ACTR3C: variants seen among roughly 807,000 people sequenced by gnomAD.
ACTR3C encodes actin-related protein 3C.
In ACTR3C, 18 loss-of-function variants were observed where a neutral mutation model predicts 26.3. That is an observed-to-expected ratio of 0.68 (90% confidence interval 0.47 to 1.01). The LOEUF is 1.01. ACTR3C is among the 50% of genes least tolerant of loss of function. The probability of loss-of-function intolerance (pLI) is 0.00; values close to 1 mark genes in which losing one functional copy is unlikely to be tolerated. For missense variants in ACTR3C, 184 were observed against 250.7 expected (o/e 0.73, Z 1.80); for synonymous variants, 55 against 94.5 (o/e 0.58, Z 2.42).
At chr7:150,275,894 C>T (rs1480704125) in intron 6 of ACTR3C, among the ~76,000 whole-genome samples, 2 of 152,154 alleles carry the variant, frequency 1.3e-5, no homozygotes, top group African/African-American at 2.4e-5. Context: ...TCCCTTCAAC[C>T]CCGTCTCACG....
At chr7:150,116,906 T>C in the ACTR3C span, among the ~76,000 whole-genome samples, 1 of 151,338 alleles carries the variant, frequency 6.6e-6, no homozygotes. Context: ...TGGGACTGGT[T>C]AGACAGTGGG....
chr7:150,035,259 G>A, the ACTR3C span, among the ~76,000 whole-genome samples: 246 of 79,172 alleles, frequency 3.1e-3, 28 homozygotes, highest in South Asian at 0.045. Flanking sequence ...GGAACCAGGG[G>A]CTGGCTCTCA....
chr7:150,122,608 G>A, the ACTR3C span, among the ~76,000 whole-genome samples: 2 of 152,324 alleles, frequency 1.3e-5, no homozygotes, highest in Admixed American at 1.3e-4. Flanking sequence ...GAGAGGATGT[G>A]GAGAAATAAG....
chr7:150,186,951 T>C, the ACTR3C span, among the ~76,000 whole-genome samples: 2 of 152,292 alleles, frequency 1.3e-5, no homozygotes, highest in South Asian at 2.1e-4. Flanking sequence ...AAAAGGTCAG[T>C]AGAGAAGCCT....
At chr7:150,024,990 CCT>C in the ACTR3C span, among the ~76,000 whole-genome samples, 7 of 152,088 alleles carry the variant, frequency 4.6e-5, no homozygotes, top group Admixed American at 4.6e-4. Context: ...GAGGGCCACA[CCT>C]CTGGAAAGGA....
At chr7:149,890,228 C>T in the ACTR3C span, among the ~76,000 whole-genome samples, 721 of 151,764 alleles carry the variant, frequency 4.8e-3, 14 homozygotes, top group African/African-American at 0.016. Flanking sequence ...AGGTTTAATA[C>T]GCAGCTTACG....
At chr7:150,065,491 C>T in the ACTR3C span, among the ~76,000 whole-genome samples, 293 of 152,300 alleles carry the variant, frequency 1.9e-3, 4 homozygotes, top group Non-Finnish European at 2.5e-3. Context: ...GTAAGGATAC[C>T]TTGTCCATTG....
At chr7:150,318,165 A>G (rs1033751812) in intron 1 of ACTR3C, among the ~76,000 whole-genome samples, 7 of 152,212 alleles carry the variant, frequency 4.6e-5, no homozygotes, top group Non-Finnish European at 8.8e-5. Context: ...AGTCATTTGT[A>G]TCAGCCAGGA....
the ACTR3C span, among the ~76,000 whole-genome samples, chr7:150,039,340 CCCA>C: frequency 6.9e-6 from 1 of 145,864 alleles, no homozygotes; most frequent in Non-Finnish European, 1.5e-5. Flanking sequence ...GCTCTCAGTC[CCCA>C]CCCTCGTGGG....
chr7:150,178,024 A>T, the ACTR3C span, among the ~76,000 whole-genome samples: 1 of 150,706 alleles, frequency 6.6e-6, no homozygotes, highest in Non-Finnish European at 1.5e-5. Context: ...TGATTATGAG[A>T]CACAACAAAT....
At chr7:150,216,239 A>C in the ACTR3C span, among the ~76,000 whole-genome samples, 1 of 152,248 alleles carries the variant, frequency 6.6e-6, no homozygotes, top group African/African-American at 2.4e-5. Flanking sequence ...TTCAGGACCT[A>C]TATCCATGCT....
chr7:149,905,204 T>C, the ACTR3C span, among the ~76,000 whole-genome samples: 113 of 152,024 alleles, frequency 7.4e-4, no homozygotes, highest in Middle Eastern at 0.014. Flanking sequence ...TAATAGTGTT[T>C]AACACTGTGA....
the ACTR3C span, among the ~76,000 whole-genome samples, chr7:149,985,298 A>C: frequency 6.6e-6 from 1 of 150,850 alleles, no homozygotes; most frequent in East Asian, 1.9e-4. Context: ...ATCTGGCACT[A>C]CCCAGATAAG....
chr7:150,196,582 G>C, the ACTR3C span, among the ~76,000 whole-genome samples: 1 of 152,128 alleles, frequency 6.6e-6, no homozygotes, highest in Admixed American at 6.5e-5. Context: ...TCTTTTGATT[G>C]CTTTGTCTCT....
the ACTR3C span, among the ~76,000 whole-genome samples, chr7:150,038,013 C>A: frequency 1.2e-4 from 17 of 137,574 alleles, 3 homozygotes; most frequent in Non-Finnish European, 2.4e-4. Flanking sequence ...TTGCCTCCCC[C>A]CCTGCTATGG....
chr7:149,925,074 C>G, the ACTR3C span, among the ~76,000 whole-genome samples: 2 of 152,066 alleles, frequency 1.3e-5, no homozygotes, highest in East Asian at 3.9e-4. Context: ...AAAAAACTAA[C>G]AATCTTCATA....
chr7:150,311,815 C>T (rs1388862006), intron 1 of ACTR3C, among the ~76,000 whole-genome samples: 1 of 152,236 alleles, frequency 6.6e-6, no homozygotes, highest in African/African-American at 2.4e-5. Flanking sequence ...TCCACTACTT[C>T]CCAACAAGCG....
chr7:150,303,553 A>G (rs1170902979), intron 1 of ACTR3C, among the ~76,000 whole-genome samples: 1 of 152,250 alleles, frequency 6.6e-6, no homozygotes. Flanking sequence ...CATTTACAAT[A>G]TAATGATGTT....
chr7:150,038,794 C>G, the ACTR3C span, among the ~76,000 whole-genome samples: 1 of 141,338 alleles, frequency 7.1e-6, no homozygotes, highest in Admixed American at 6.8e-5. Flanking sequence ...CAGTCCCCGC[C>G]TCGCGGGGGG....
Sources: gnomAD v4.1 joint callset for allele counts (sites outside exome capture counted in the v4.1 genomes callset) on GRCh38, gnomAD v4.1.1 for gene constraint, MANE v1.5 for transcripts, NCBI Gene and HGNC (gene_info 2026-07-23, HGNC 2026-07-21) for gene names.